Variants in PMEPA1 observed in about 807,000 individuals in gnomAD.
The protein encoded by PMEPA1 is protein TMEPAI.
Under a neutral mutation model 23.0 loss-of-function variants are expected in PMEPA1, and 11 were observed. That is an observed-to-expected ratio of 0.48 (90% CI 0.30 to 0.79). The LOEUF (loss-of-function observed/expected upper bound fraction) is 0.79, where lower values mean the gene tolerates loss of function less well. PMEPA1 is among the 30% of genes least tolerant of loss of function. The pLI is 0.06. For missense variants in PMEPA1, 377 were observed against 390.9 expected (o/e 0.96, Z 0.30); for synonymous variants, 204 against 166.4 (o/e 1.23, Z -1.74).
Position 57,671,347 on chromosome 20 carries a change from T to C in PMEPA1, c.110-11650A>G, listed in dbSNP as rs530505564. Among the ~76,000 whole-genome samples, 4 of 152,144 alleles carry C rather than the reference T, an allele frequency of 2.6e-5. No individual in the cohort carries two copies. In the South Asian group the frequency reaches 6.2e-4, roughly 24 times the overall value. On this transcript the variant is annotated intron_variant, in intron 1 of 3. Transcript: ENST00000341744. ...TTAATTGAGGAGAGTGGACGACAAA[T>C]GGGGAACGGGTGGGCGTGGGTGAGT...
chr20:57,707,544 G>C (rs758079947), intron 1 of PMEPA1, among the ~76,000 whole-genome samples: 32 of 152,244 alleles, frequency 2.1e-4, no homozygotes, highest in Non-Finnish European at 4.1e-4. Flanking sequence ...GCGGGGCAAA[G>C]TGCAGAGGGC....
chr20:57,709,692 G>T lies in PMEPA1; in HGVS notation c.-110C>A, dbSNP rs1275742671. 1.5e-5 allele frequency: 15 copies of T among 977,732 alleles called. No individual in the cohort carries two copies. Among genetic ancestry groups the T allele is most frequent in the African/African-American group, 1.4e-4 (8 of 56,108 alleles). The allele number at this position is 977,732 out of a possible 1,614,324, so 60.6% of individuals were successfully genotyped here. A position where few individuals can be genotyped will look rare whatever the true frequency, so the allele number is the denominator to read the frequency against. ...CGCATGCAGGAGGCGCGCGGCGGGGGAGGCGCGCCCCGGCTCGCCGGGCTC... is the reference window on the plus strand; with the variant it reads ...CGCATGCAGGAGGCGCGCGGCGGGGTAGGCGCGCCCCGGCTCGCCGGGCTC... On this transcript the variant is annotated 5_prime_UTR_variant, in exon 1 of 4. Coordinates refer to ENST00000341744, the MANE Select transcript of PMEPA1 (RefSeq NM_020182.5).
At chr20:57,673,146 A>T (rs2071592176) in intron 1 of PMEPA1, among the ~76,000 whole-genome samples, 1 of 151,712 alleles carries the variant, frequency 6.6e-6, no homozygotes, top group Non-Finnish European at 1.5e-5. Context: ...GGCCGCCAGC[A>T]CCCTGGCCGC....
chr20:57,699,485 G>T (rs577754502), intron 1 of PMEPA1, among the ~76,000 whole-genome samples: 1 of 152,178 alleles, frequency 6.6e-6, no homozygotes, highest in Non-Finnish European at 1.5e-5. Flanking sequence ...TCTAGAAAGC[G>T]GCTGAGCTAT....
chr20:57,690,366 T>G, intron 1 of PMEPA1: 4 of 1,147,072 alleles, frequency 3.5e-6, no homozygotes, highest in Non-Finnish European at 4.7e-6. Flanking sequence ...CAAATGCTCC[T>G]GAGAATATCC....
At chr20:57,710,091 C>G, upstream of PMEPA1, 3 of 947,746 alleles carry the variant, frequency 3.2e-6, no homozygotes, top group Non-Finnish European at 3.8e-6. Context: ...CAATCCCCGC[C>G]GAGGTTCCCC....
chr20:57,659,013 G>A (rs563271239), intron 2 of PMEPA1, among the ~76,000 whole-genome samples: 39 of 152,330 alleles, frequency 2.6e-4, no homozygotes, highest in Non-Finnish European at 4.3e-4. Context: ...CATCTCTCTA[G>A]GTCTGTCTCC....
intron 1 of PMEPA1, among the ~76,000 whole-genome samples, chr20:57,668,854 A>C (rs957186157): frequency 6.6e-6 from 1 of 152,162 alleles, no homozygotes; most frequent in African/African-American, 2.4e-5. Flanking sequence ...CAATATCTTC[A>C]TGGCTTGCTC....
chr20:57,680,918 C>T (rs934621196), intron 1 of PMEPA1, among the ~76,000 whole-genome samples: 4 of 152,138 alleles, frequency 2.6e-5, no homozygotes, highest in African/African-American at 2.4e-5. Context: ...GAGCAGTCTG[C>T]GTGAGGACGT....
At position 57,683,506 on chromosome 20, in the gene PMEPA1, G is replaced by A. The variant is rs542673747; in HGVS notation, c.110-23809C>T. ...GAGCGAGCAGCCCTGCATGCATTACGAACTTGCATTACTATACTAACTCGG... is the reference window on the plus strand; with the variant it reads ...GAGCGAGCAGCCCTGCATGCATTACAAACTTGCATTACTATACTAACTCGG... On this transcript the variant is annotated intron_variant, in intron 1 of 3. Coordinates refer to ENST00000341744, the MANE Select transcript of PMEPA1 (RefSeq NM_020182.5). This position sits in a 1 kb window ranked among gnomAD's most constrained non-coding sequence, Gnocchi z 4.3. Among the ~76,000 whole-genome samples, 33 of 150,560 alleles carry A rather than the reference G, an allele frequency of 2.2e-4. No homozygotes were observed. In the South Asian group the frequency reaches 4.6e-3, roughly 21 times the overall value.
intron 1 of PMEPA1, among the ~76,000 whole-genome samples, chr20:57,701,320 C>T (rs2072008388): frequency 1.3e-5 from 2 of 152,194 alleles, no homozygotes; most frequent in Admixed American, 1.3e-4. Flanking sequence ...CTCCACCTTC[C>T]TCCGTGAGGA....
chr20:57,705,590 A>G (rs369425368), intron 1 of PMEPA1, among the ~76,000 whole-genome samples: 6 of 152,212 alleles, frequency 3.9e-5, no homozygotes, highest in African/African-American at 1.4e-4. Flanking sequence ...CCTTCATGGC[A>G]CACAACAGGC....
At chr20:57,677,429 G>T (rs111854164) in intron 1 of PMEPA1, among the ~76,000 whole-genome samples, 10 of 152,112 alleles carry the variant, frequency 6.6e-5, no homozygotes, top group Non-Finnish European at 1.5e-4. Flanking sequence ...GCAAGAAAGC[G>T]CCTCGATGAC....
In PMEPA1 at chr20:57,652,659, G is replaced by T; in HGVS notation, c.319-61C>A. The T allele has an allele frequency of 1.5e-6, 2 of 1,314,550 alleles. No individual in the cohort carries two copies. The highest frequency in any genetic ancestry group is 1.5e-5 in the African/African-American group (1 of 67,252). 81.4% of individuals were successfully genotyped at this position (1,314,550 alleles called of 1,614,324 possible). A position where few individuals can be genotyped will look rare whatever the true frequency, so the allele number is the denominator to read the frequency against. The stretch of plus-strand genomic sequence containing the variant: ...TGTCTCAGGTGGGTTGTCCAGAAGC[G>T]ATCCTGAGACTGGAGTTCTGCTGCA... On this transcript the variant is annotated intron_variant, in intron 3 of 3. Coordinates refer to ENST00000341744, the MANE Select transcript of PMEPA1 (RefSeq NM_020182.5). This position sits in a 1 kb window ranked among gnomAD's most constrained non-coding sequence, Gnocchi z 6.1.
In PMEPA1 at chr20:57,655,185, G is replaced by C. The variant is rs943821228; in HGVS notation, c.265-2099C>G. On this transcript the variant is annotated intron_variant, in intron 2 of 3. Coordinates refer to ENST00000341744, the MANE Select transcript of PMEPA1 (RefSeq NM_020182.5). This position sits in a 1 kb window ranked among gnomAD's most constrained non-coding sequence, Gnocchi z 4.2. ...CACAGACTCTCACGTCTTGCCTTTG[G>C]ATCTGAGCCCATCCTGGGTCTGGAC... 1.3e-5 allele frequency among the ~76,000 whole-genome samples: 2 copies of C among 152,146 alleles called. No homozygotes were observed. Among genetic ancestry groups the C allele is most frequent in the African/African-American group, 4.8e-5 (2 of 41,414 alleles).
intron 1 of PMEPA1, among the ~76,000 whole-genome samples, chr20:57,670,375 C>A (rs1275606477): frequency 6.6e-6 from 1 of 151,958 alleles, no homozygotes; most frequent in Admixed American, 6.5e-5. Flanking sequence ...GCTGTCTCAC[C>A]ACCCGGCCTC....
At position 57,652,220 on chromosome 20, in the gene PMEPA1, T is replaced by C; in HGVS notation, c.697A>G (p.Ser233Gly). ...CCCGGGTAGTGGCCGATGACCTCGC[T>C]GTAGGTGGGCGGCGGCCCCTCCATG... Reference protein sequence around the residue: ...GRMEGPPPTYSEVIGHYPGSS... With the variant: ...GRMEGPPPTYGEVIGHYPGSS... Residue 233 changes from serine (S) to glycine (G), a missense_variant, in exon 4 of 4, where the codon AGC becomes GGC. Coordinates refer to ENST00000341744, the MANE Select transcript of PMEPA1 (RefSeq NM_020182.5). This position sits in a 1 kb window ranked among gnomAD's most constrained non-coding sequence, Gnocchi z 6.1. 1.2e-6 allele frequency: 2 copies of C among 1,608,864 alleles called. No homozygotes were observed. Among genetic ancestry groups the C allele is most frequent in the East Asian group, 2.2e-5 (1 of 44,840 alleles).
rs370607703 is a variant in PMEPA1 at position 57,696,946 on chromosome 20, C to T, written c.109+12528G>A. 4.7e-4 allele frequency among the ~76,000 whole-genome samples: 71 copies of T among 152,312 alleles called. 1 individual carries two copies. Among genetic ancestry groups the T allele is most frequent in the South Asian group, 1.7e-3 (8 of 4,826 alleles). On this transcript the variant is annotated intron_variant, in intron 1 of 3. Transcript: ENST00000341744. ...AGGAACCAAGGAGTAATGCTTACTCCGGGCAGCCATGCTCTTCGGGGAGGC... is the reference window on the plus strand; with the variant it reads ...AGGAACCAAGGAGTAATGCTTACTCTGGGCAGCCATGCTCTTCGGGGAGGC...
chr20:57,710,333 GC>G, upstream of PMEPA1: 2 of 976,944 alleles, frequency 2.0e-6, no homozygotes, highest in East Asian at 3.3e-5. Flanking sequence ...CCCTCCCCTC[GC>G]CCCCGTCCCT....
Sources: allele counts gnomAD v4.1 joint callset (sites outside exome capture counted in the v4.1 genomes callset), GRCh38; gene constraint gnomAD v4.1.1; non-coding constraint Gnocchi (gnomAD v3.1); transcripts MANE v1.5; gene names NCBI Gene and HGNC (gene_info 2026-07-23, HGNC 2026-07-21).